The following ZC3H7B variants were observed in gnomAD, a reference collection of about 807,000 sequenced individuals.
The protein encoded by ZC3H7B is zinc finger CCCH domain-containing protein 7B.
A neutral mutation model predicts 116.0 loss-of-function variants in ZC3H7B; 35 were observed. The observed-to-expected ratio is 0.30, with a 90% CI of 0.23 to 0.40. ZC3H7B has a LOEUF of 0.40. Ranked by LOEUF, ZC3H7B falls within the 10% of genes least tolerant of loss-of-function variation. ZC3H7B has a pLI of 1.00. For synonymous variants in ZC3H7B, 502 were observed against 545.6 expected (o/e 0.92, Z 1.11); for missense variants, 1,011 against 1,321.5 (o/e 0.77, Z 3.64).
intron 1 of ZC3H7B, among the ~76,000 whole-genome samples, chr22:41,307,856 T>C (rs1323139375): frequency 6.6e-6 from 1 of 152,146 alleles, no homozygotes; most frequent in Non-Finnish European, 1.5e-5. Context: ...CCACCTGGCA[T>C]CCGAGGTCTT....
intron 1 of ZC3H7B, among the ~76,000 whole-genome samples, chr22:41,310,076 G>C (rs1377246173): frequency 1.3e-5 from 2 of 152,044 alleles, no homozygotes; most frequent in Non-Finnish European, 2.9e-5. Context: ...GTGGTGGCGG[G>C]CACCTGTAGT....
chr22:41,312,429 C>T (rs1228430029), intron 1 of ZC3H7B, among the ~76,000 whole-genome samples: 1 of 103,780 alleles, frequency 9.6e-6, no homozygotes, highest in Non-Finnish European at 1.9e-5. Flanking sequence ...GAGTGAGACC[C>T]TGTCTTAATG....
In ZC3H7B at chr22:41,332,240, C is replaced by A; in HGVS notation, c.582+13C>A. 6.2e-7 allele frequency: 1 copy of A among 1,614,046 alleles called. No homozygotes were observed. The highest frequency in any genetic ancestry group is 1.3e-5 in the African/African-American group (1 of 75,052). On this transcript the variant is annotated intron_variant, in intron 7 of 22. Coordinates refer to ENST00000352645, the MANE Select transcript of ZC3H7B (RefSeq NM_017590.6). ...CGTGGCAGATCAGGTAGGATCGGGGCTGAACCAACCTGTCTCAGTTTATCC... is the reference window on the plus strand; with the variant it reads ...CGTGGCAGATCAGGTAGGATCGGGGATGAACCAACCTGTCTCAGTTTATCC...
At chr22:41,352,983 G>A (rs1569243937) in intron 17 of ZC3H7B, among the ~76,000 whole-genome samples, 2 of 152,028 alleles carry the variant, frequency 1.3e-5, no homozygotes, top group Non-Finnish European at 2.9e-5. Context: ...GAGAAGCTGA[G>A]GCAGGAGAAT....
chr22:41,303,569 A>G (rs1243925940), intron 1 of ZC3H7B, among the ~76,000 whole-genome samples: 2 of 152,192 alleles, frequency 1.3e-5, no homozygotes, highest in Admixed American at 6.5e-5. Flanking sequence ...GTGTTGGCTC[A>G]TCTGTCCTCC....
intron 1 of ZC3H7B, among the ~76,000 whole-genome samples, chr22:41,306,876 G>C (rs973940691): frequency 6.6e-6 from 1 of 152,106 alleles, no homozygotes; most frequent in Non-Finnish European, 1.5e-5. Context: ...AGACAGCAGC[G>C]GGTGGAGGTG....
At chr22:41,341,034 C>T (rs372616456) in intron 10 of ZC3H7B, 54 bp from the exon 11 acceptor site, 1 of 1,570,260 alleles carries the variant, frequency 6.4e-7, no homozygotes, top group African/African-American at 1.4e-5. Flanking sequence ...CCTAGGAAGG[C>T]CCCTCACGCC....
chr22:41,356,320 C>A (rs764094881), intron 20 of ZC3H7B, 23 bp from the exon 21 acceptor site: 1 of 1,613,740 alleles, frequency 6.2e-7, no homozygotes, highest in South Asian at 1.1e-5. Context: ...TCAGCAGGTG[C>A]CCTGTCCCTG....
intron 4 of ZC3H7B, among the ~76,000 whole-genome samples, chr22:41,326,829 T>G (rs1569235090): frequency 6.6e-6 from 1 of 152,214 alleles, no homozygotes; most frequent in African/African-American, 2.4e-5. Flanking sequence ...CAGAGCTGCC[T>G]TCATGGTCTC....
At chr22:41,352,456 T>G (rs1315275808) in intron 17 of ZC3H7B, among the ~76,000 whole-genome samples, 1 of 152,234 alleles carries the variant, frequency 6.6e-6, no homozygotes, top group African/African-American at 2.4e-5. Flanking sequence ...TTCTATAGTT[T>G]GTAATTAATA....
At chr22:41,331,628 T>C (rs1345606514) in intron 6 of ZC3H7B, among the ~76,000 whole-genome samples, 3 of 151,188 alleles carry the variant, frequency 2.0e-5, no homozygotes, top group Non-Finnish European at 4.4e-5. Flanking sequence ...CGTAGTACTT[T>C]GGGAGGCCGA....
At chr22:41,320,265 G>A (rs1200918026) in intron 1 of ZC3H7B, among the ~76,000 whole-genome samples, 4 of 151,816 alleles carry the variant, frequency 2.6e-5, no homozygotes, top group Non-Finnish European at 5.9e-5. Flanking sequence ...CCCAGGAAAC[G>A]GAGGTTGCAG....
intron 13 of ZC3H7B, among the ~76,000 whole-genome samples, chr22:41,343,941 A>G (rs1445280237): frequency 6.6e-6 from 1 of 152,196 alleles, no homozygotes; most frequent in Non-Finnish European, 1.5e-5. Flanking sequence ...CAGCAGCCAC[A>G]TGAAGCATTT....
chr22:41,329,916 CAT>C (rs1317589029), intron 5 of ZC3H7B, 105 bp from the exon 6 acceptor site: 1 of 1,138,858 alleles, frequency 8.8e-7, no homozygotes, highest in East Asian at 2.5e-5. Context: ...TCATCTATAA[CAT>C]GGGGTGACTA....
In ZC3H7B at chr22:41,302,050, C is replaced by G. The variant is rs1228728885; in HGVS notation, c.-7+278C>G. 2.0e-5 allele frequency among the ~76,000 whole-genome samples: 3 copies of G among 152,270 alleles called. No homozygotes were observed. Among genetic ancestry groups the G allele is most frequent in the South Asian group, 2.1e-4 (1 of 4,832 alleles). ...AAAGTTACCGTGTGGCCGGGGGCAC[C>G]TGGCGCTGGGGAGACTTGGCCGCCC... On this transcript the variant is annotated intron_variant, in intron 1 of 22. Transcript: ENST00000352645. This position sits in a 1 kb window ranked among gnomAD's most constrained non-coding sequence, Gnocchi z 5.7.
chr22:41,331,554 CAAAAAAAAA>C (rs76036983), intron 6 of ZC3H7B, among the ~76,000 whole-genome samples: 1 of 51,310 alleles, frequency 1.9e-5, no homozygotes, highest in African/African-American at 6.8e-5. Context: ...GACTCTGCCT[CAAAAAAAAA>C]AAAAAAAAAA....
chr22:41,337,573 G>T (rs1408972763), intron 7 of ZC3H7B, among the ~76,000 whole-genome samples: 2 of 152,190 alleles, frequency 1.3e-5, no homozygotes, highest in African/African-American at 4.8e-5. Flanking sequence ...GGGGCCTGGG[G>T]CTACCGTGGG....
intron 21 of ZC3H7B, 61 bp from the exon 22 acceptor site, chr22:41,356,584 G>A (rs909119314): frequency 3.5e-5 from 57 of 1,610,334 alleles, no homozygotes; most frequent in South Asian, 8.8e-5. Context: ...CAGCCTCTCC[G>A]AGGTGGGTGG....
In ZC3H7B at chr22:41,355,956, C is replaced by T. The variant is rs749468357; in HGVS notation, c.2277C>T (p.Leu759=). The T allele has an allele frequency of 1.9e-6, 3 of 1,588,290 alleles. No homozygotes were observed. Among genetic ancestry groups the T allele is most frequent in the Non-Finnish European group, 2.6e-6 (3 of 1,166,806 alleles). Residue 759 remains leucine, a splice_region_variant and synonymous_variant, in exon 20 of 23, where the codon CTC becomes CTT. Coordinates refer to ENST00000352645, the MANE Select transcript of ZC3H7B (RefSeq NM_017590.6). ...ATCTCCCCACGCCCACCCCACAGCT[C>T]TGCATCCATGCACAGAACGGCCGCA... ...SIRNFPQQYD[L]CIHAQNGRKC...
Sources: gnomAD v4.1 joint callset for allele counts (sites outside exome capture counted in the v4.1 genomes callset) on GRCh38, gnomAD v4.1.1 for gene constraint, Gnocchi (gnomAD v3.1) non-coding constraint, MANE v1.5 for transcripts, NCBI Gene and HGNC (gene_info 2026-07-23, HGNC 2026-07-21) for gene names.